Variants in PLPP4 observed in about 807,000 individuals in gnomAD.
PLPP4 encodes the protein diacylglycerol pyrophosphate like 2.
PLPP4 carries 20 observed loss-of-function variants against 32.2 expected under a neutral mutation model. That is an observed-to-expected ratio of 0.62 (90% CI 0.44 to 0.90). PLPP4 has a LOEUF of 0.90. Among genes scored for constraint, PLPP4 ranks in the 40% least tolerant of loss-of-function variants. The pLI, the probability that PLPP4 is intolerant of heterozygous loss-of-function variation, is 0.00. For synonymous variants in PLPP4, 127 were observed against 133.0 expected, an observed-to-expected ratio of 0.95 and a Z score of 0.31; for missense variants, 257 against 353.1, an observed-to-expected ratio of 0.73 and a Z score of 2.18.
At chr10:120,540,353 T>C (rs767390117) in intron 5 of PLPP4, among the ~76,000 whole-genome samples, 8 of 152,210 alleles carry the variant, frequency 5.3e-5, no homozygotes, top group Non-Finnish European at 8.8e-5. Flanking sequence ...CTCTCAATAC[T>C]CTGTAAACTC....
At chr10:120,503,457 A>C (rs2133865975) in intron 1 of PLPP4, 1 of 1,294,740 alleles carries the variant, frequency 7.7e-7, no homozygotes, top group East Asian at 2.5e-5. Flanking sequence ...TCCACCTCAA[A>C]CCCATTTTGT....
chr10:120,587,738 G>C (rs1849827709), intron 6 of PLPP4, among the ~76,000 whole-genome samples: 1 of 152,208 alleles, frequency 6.6e-6, no homozygotes, highest in Non-Finnish European at 1.5e-5. Context: ...TTGTTTTCTT[G>C]AAAGATACAT....
At position 120,575,267 on chromosome 10, in the gene PLPP4, G is replaced by T. The variant is rs61730851; in HGVS notation, c.582G>T (p.Leu194=). 4,958 of 1,614,076 alleles carry T rather than the reference G, an allele frequency of 3.1e-3. 149 individuals are homozygous for T. The African/African-American group carries it at 0.06, about 19-fold the overall frequency. Residue 194 remains leucine (L), a synonymous_variant, in exon 6 of 7, where the codon CTG becomes CTT. Coordinates refer to ENST00000398250, the MANE Select transcript of PLPP4 (RefSeq NM_001030059.3). The part of the protein sequence containing the change: ...LPLYCAMMIA[L]SRMCDYKHHW... ...TGTACTGCGCCATGATGATTGCCCT[G>T]TCCCGCATGTGCGACTACAAGCATC...
intron 5 of PLPP4, among the ~76,000 whole-genome samples, chr10:120,564,562 GT>G: frequency 1.3e-5 from 2 of 151,894 alleles, no homozygotes; most frequent in African/African-American, 4.8e-5. Context: ...TAGCAAAGAT[GT>G]GAATTAAAAT....
rs531290909 is a variant in PLPP4, at chr10:120,535,041, G to A, written c.445+13946G>A. 2.6e-5 allele frequency among the ~76,000 whole-genome samples: 4 copies of A among 152,172 alleles called. No individual in the cohort carries two copies. The South Asian group carries it at 8.3e-4, about 32-fold the overall frequency. On this transcript the variant is annotated intron_variant, in intron 5 of 6. Coordinates refer to ENST00000398250, the MANE Select transcript of PLPP4 (RefSeq NM_001030059.3). ...GTCTCATTTTTTTGTTGTTGTTGGA[G>A]ACCAGCGAATTTAGGTAATAGAGAA...
rs1564803325 is a variant in PLPP4, at chr10:120,507,361, T to TCATC, written c.165+3435_165+3436insCATC. On this transcript the variant is annotated intron_variant, in intron 2 of 6. Coordinates refer to ENST00000398250, the MANE Select transcript of PLPP4 (RefSeq NM_001030059.3). ...GGAAGTTCTTCATCATCATCATCAT[T>TCATC]ATCATCATCATCATCATCATCATCA... Among the ~76,000 whole-genome samples the TCATC allele has an allele frequency of 6.5e-3, 647 of 99,824 alleles. 3 individuals are homozygous for TCATC. Among genetic ancestry groups the TCATC allele is most frequent in the South Asian group, 0.064 (150 of 2,334 alleles). The allele number at this position is 99,824 out of a possible 152,430, so 65.5% of individuals were successfully genotyped here. A position where few individuals can be genotyped will look rare whatever the true frequency, so the allele number is the denominator to read the frequency against.
intron 1 of PLPP4, among the ~76,000 whole-genome samples, chr10:120,500,437 T>C (rs1353707643): frequency 6.6e-6 from 1 of 152,150 alleles, no homozygotes; most frequent in Non-Finnish European, 1.5e-5. Context: ...CCTGCTTTTC[T>C]ATAGTAAGAA....
intron 5 of PLPP4, among the ~76,000 whole-genome samples, chr10:120,522,403 G>A (rs1473291814): frequency 1.3e-5 from 2 of 152,124 alleles, no homozygotes; most frequent in African/African-American, 4.8e-5. Flanking sequence ...TACCAGGTGG[G>A]GGATTGTCCC....
chr10:120,541,056 GAA>G (rs1847316974), intron 5 of PLPP4, among the ~76,000 whole-genome samples: 1 of 152,172 alleles, frequency 6.6e-6, no homozygotes, highest in Non-Finnish European at 1.5e-5. Flanking sequence ...CGTGTCAAAA[GAA>G]TGCCTTTTTA....
chr10:120,554,826 G>A (rs924393246), intron 5 of PLPP4, among the ~76,000 whole-genome samples: 1 of 152,068 alleles, frequency 6.6e-6, no homozygotes, highest in Non-Finnish European at 1.5e-5. Flanking sequence ...GAACAGCAAG[G>A]GGGAAATCTG....
chr10:120,519,869 G>A (rs1254906058), intron 4 of PLPP4, among the ~76,000 whole-genome samples: 1 of 152,180 alleles, frequency 6.6e-6, no homozygotes, highest in East Asian at 1.9e-4. Context: ...GAGGTGATAG[G>A]CCATCACCCA....
intron 5 of PLPP4, among the ~76,000 whole-genome samples, chr10:120,573,197 C>T (rs1410971660): frequency 6.6e-6 from 1 of 152,184 alleles, no homozygotes; most frequent in Non-Finnish European, 1.5e-5. Flanking sequence ...CTAATCATTA[C>T]GCAGAAGTGT....
At chr10:120,516,254 G>A (rs17632879) in intron 3 of PLPP4, among the ~76,000 whole-genome samples, 2 of 152,100 alleles carry the variant, frequency 1.3e-5, no homozygotes, top group African/African-American at 4.8e-5. Context: ...GGACTCTATC[G>A]ACCAGGAGGT....
chr10:120,525,642 A>G (rs143032648), intron 5 of PLPP4, among the ~76,000 whole-genome samples: 18 of 152,326 alleles, frequency 1.2e-4, no homozygotes, highest in Admixed American at 1.2e-3. Flanking sequence ...GCCTCCAGGG[A>G]GGAAAAGCCC....
chr10:120,568,206 G>A (rs1456553318), intron 5 of PLPP4, among the ~76,000 whole-genome samples: 1 of 152,212 alleles, frequency 6.6e-6, no homozygotes, highest in Non-Finnish European at 1.5e-5. Flanking sequence ...GTCCCTATTG[G>A]TCAGCATTTA....
chr10:120,570,989 C>G (rs1848907801), intron 5 of PLPP4, among the ~76,000 whole-genome samples: 2 of 152,056 alleles, frequency 1.3e-5, no homozygotes, highest in South Asian at 4.1e-4. Context: ...TAACAATCAG[C>G]TGCTACAAAT....
intron 1 of PLPP4, among the ~76,000 whole-genome samples, chr10:120,495,952 G>A (rs1449404905): frequency 4.6e-5 from 7 of 152,162 alleles, no homozygotes; most frequent in African/African-American, 1.4e-4. Flanking sequence ...CCTGGGGGAC[G>A]GGAGGAAGAT....
chr10:120,528,219 C>G (rs1589823690), intron 5 of PLPP4, among the ~76,000 whole-genome samples: 2 of 151,946 alleles, frequency 1.3e-5, no homozygotes, highest in Non-Finnish European at 2.9e-5. Context: ...GGACTACAGG[C>G]GCCTGCCACC....
intron 3 of PLPP4, among the ~76,000 whole-genome samples, chr10:120,515,240 G>A (rs1034523889): frequency 1.3e-5 from 2 of 152,200 alleles, no homozygotes; most frequent in Non-Finnish European, 2.9e-5. Flanking sequence ...ACCTCACAGG[G>A]ACTGGAATGG....
Sources: allele counts gnomAD v4.1 joint callset (sites outside exome capture counted in the v4.1 genomes callset), GRCh38; gene constraint gnomAD v4.1.1; transcripts MANE v1.5; gene names NCBI Gene and HGNC (gene_info 2026-07-23, HGNC 2026-07-21).